BCO1: variants seen among roughly 807,000 people sequenced by gnomAD.
The protein encoded by BCO1 is beta,beta-carotene 15,15'-dioxygenase.
BCO1 carries 54 observed loss-of-function variants against 56.3 expected under a neutral mutation model. The observed-to-expected ratio is 0.96, with a 90% CI of 0.77 to 1.20. The LOEUF (loss-of-function observed/expected upper bound fraction) is 1.20, where lower values mean the gene tolerates loss of function less well. Ranked by LOEUF, BCO1 falls within the 50% of genes most tolerant of loss-of-function variation. The pLI is 0.00. For synonymous variants in BCO1, 318 were observed against 266.1 expected, an observed-to-expected ratio of 1.20 and a Z score of -1.90; for missense variants, 801 against 690.9, an observed-to-expected ratio of 1.16 and a Z score of -1.79.
chr16:81,255,686 T>C (rs1316028603), intron 2 of BCO1, among the ~76,000 whole-genome samples: 1 of 151,924 alleles, frequency 6.6e-6, no homozygotes, highest in African/African-American at 2.4e-5. Context: ...TTTGTATTTT[T>C]AGTAGAGACA....
intron 1 of BCO1, among the ~76,000 whole-genome samples, chr16:81,239,397 G>GA (rs1905015019): frequency 6.6e-6 from 1 of 152,044 alleles, no homozygotes; most frequent in Non-Finnish European, 1.5e-5. Context: ...GGAAAGTCTG[G>GA]AAAACAGTAC....
At chr16:81,250,032 C>A (rs12102984) in intron 2 of BCO1, among the ~76,000 whole-genome samples, 3,003 of 152,240 alleles carry the variant, frequency 0.02, 87 homozygotes, top group African/African-American at 0.067. Flanking sequence ...CCCAGTCAAA[C>A]TCTTCAATAT....
intron 4 of BCO1, chr16:81,263,346 A>G (rs1021280974): frequency 2.6e-5 from 4 of 152,106 alleles, no homozygotes; most frequent in Non-Finnish European, 4.4e-5. Flanking sequence ...TCCTGACCTC[A>G]TGATTGGCCC....
Position 81,245,504 on chromosome 16 carries a change from C to T in BCO1, c.94C>T (p.Leu32=), listed in dbSNP as rs756913044. The T allele has an allele frequency of 6.2e-7, 1 of 1,613,784 alleles. No individual in the cohort carries two copies. Among genetic ancestry groups the T allele is most frequent in the Non-Finnish European group, 8.5e-7 (1 of 1,179,714 alleles). Residue 32 remains leucine (L), a synonymous_variant, in exon 2 of 11, where the codon CTG becomes TTG. Coordinates refer to ENST00000258168, the MANE Select transcript of BCO1 (RefSeq NM_017429.3). ...GATTCCAGCATGGCTGCAGGGAACC[C>T]TGCTCCGCAATGGGCCTGGGATGCA... ...GKIPAWLQGT[L]LRNGPGMHTV...
chr16:81,289,278 A>G (rs969752045), intron 10 of BCO1, among the ~76,000 whole-genome samples: 13 of 152,086 alleles, frequency 8.5e-5, no homozygotes, highest in African/African-American at 2.9e-4. Context: ...GAGTATTTCC[A>G]TTTTACAGAG....
In BCO1 at chr16:81,280,848, T is replaced by C; in HGVS notation, c.1102-9T>C. The C allele has an allele frequency of 6.2e-6, 10 of 1,605,510 alleles. No individual in the cohort carries two copies. The highest frequency in any genetic ancestry group is 8.5e-6 in the Non-Finnish European group (10 of 1,172,044). ...TTTATTTTACTTTTTGAAAACTGAATTTTTTCAGAATGCAGAAGTGGGCAC... is the reference window on the plus strand; with the variant it reads ...TTTATTTTACTTTTTGAAAACTGAACTTTTTCAGAATGCAGAAGTGGGCAC... On this transcript the variant is annotated splice_polypyrimidine_tract_variant and intron_variant, in intron 7 of 10. Coordinates refer to ENST00000258168, the MANE Select transcript of BCO1 (RefSeq NM_017429.3).
chr16:81,255,699 G>C (rs988460059), intron 2 of BCO1, among the ~76,000 whole-genome samples: 7 of 151,970 alleles, frequency 4.6e-5, no homozygotes, highest in African/African-American at 1.7e-4. Flanking sequence ...TAGAGACAGG[G>C]TTTCACCGTA....
At chr16:81,283,646 G>T (rs890583601) in intron 8 of BCO1, among the ~76,000 whole-genome samples, 2 of 152,046 alleles carry the variant, frequency 1.3e-5, no homozygotes, top group South Asian at 2.1e-4. Context: ...TCCCTTGGAA[G>T]TTTCATGCTT....
chr16:81,249,239 T>C (rs145645876), intron 2 of BCO1, among the ~76,000 whole-genome samples: 199 of 151,974 alleles, frequency 1.3e-3, no homozygotes, highest in Admixed American at 3.8e-3. Flanking sequence ...TACAGGCACA[T>C]GCCACCACAT....
At chr16:81,274,248 G>A (rs1314215717) in intron 7 of BCO1, among the ~76,000 whole-genome samples, 1 of 147,302 alleles carries the variant, frequency 6.8e-6, no homozygotes, top group Non-Finnish European at 1.5e-5. Flanking sequence ...AAGAATGTTA[G>A]CTTGTGTATC....
chr16:81,277,014 C>G (rs1470890184), intron 7 of BCO1, among the ~76,000 whole-genome samples: 3 of 139,628 alleles, frequency 2.1e-5, no homozygotes, highest in African/African-American at 8.1e-5. Flanking sequence ...TTGCAGTGAG[C>G]TGAGATCGTG....
intron 5 of BCO1, among the ~76,000 whole-genome samples, chr16:81,266,462 C>T (rs914396656): frequency 2.0e-5 from 3 of 152,120 alleles, no homozygotes; most frequent in Admixed American, 6.5e-5. Context: ...TTGCTGCTCC[C>T]CCATCCCCCA....
At chr16:81,240,201 A>T (rs1905050042) in intron 1 of BCO1, among the ~76,000 whole-genome samples, 1 of 152,126 alleles carries the variant, frequency 6.6e-6, no homozygotes, top group East Asian at 1.9e-4. Context: ...GCAAATGAGA[A>T]CATGGAAGGA....
rs111256460 is a variant in BCO1, at chr16:81,264,340, C to T, written c.472-300C>T. On this transcript the variant is annotated intron_variant, in intron 4 of 10. Coordinates refer to ENST00000258168, the MANE Select transcript of BCO1 (RefSeq NM_017429.3). ...GCAAGGTCAGGCAACAGGATTGGAA[C>T]GATAGCCACAGAAGCACACCAGCTC... 1.1e-3 allele frequency among the ~76,000 whole-genome samples: 161 copies of T among 152,294 alleles called. 1 individual carries two copies. The highest frequency in any genetic ancestry group is 3.6e-3 in the African/African-American group (151 of 41,562).
chr16:81,262,342 C>T (rs765845201), intron 4 of BCO1, 59 bp downstream of exon 4: 16 of 1,569,498 alleles, frequency 1.0e-5, no homozygotes, highest in Admixed American at 6.7e-5. Context: ...GAGTCGGCGA[C>T]GGCCGGGGTG....
At chr16:81,245,375 T>C (rs1905342021) in intron 1 of BCO1, 100 bp from the exon 2 acceptor site, 1 of 1,545,338 alleles carries the variant, frequency 6.5e-7, no homozygotes. Context: ...CAAGGAGTGG[T>C]ACTGGGACCA....
At chr16:81,266,801 C>A (rs1348814804) in intron 5 of BCO1, among the ~76,000 whole-genome samples, 2 of 152,170 alleles carry the variant, frequency 1.3e-5, no homozygotes, top group Non-Finnish European at 2.9e-5. Context: ...GGCACTGCGA[C>A]TCATGCCCCA....
At position 81,287,322 on chromosome 16, in the gene BCO1, T is replaced by C. The variant is rs373464064; in HGVS notation, c.1330T>C (p.Ser444Pro). The change falls in exon 10 of 11, where the codon TCA (serine) becomes CCA (proline). Residue 444 changes from serine (S) to proline (P), a missense_variant. Physicochemically the swap from Ser to Pro is moderately conservative, Grantham distance 74. Coordinates refer to ENST00000258168, the MANE Select transcript of BCO1 (RefSeq NM_017429.3). ...AATAAAATATGACATTCTCACAAAG[T>C]CATCCTTAAAATGGAGAGAGGACGA... Reference protein sequence around the residue: ...KIIKYDILTKSSLKWREDDCW... With the variant: ...KIIKYDILTKPSLKWREDDCW... The C allele has an allele frequency of 6.2e-7, 1 of 1,613,874 alleles. No homozygotes were observed. Among genetic ancestry groups the C allele is most frequent in the Non-Finnish European group, 8.5e-7 (1 of 1,179,882 alleles).
At chr16:81,257,466 T>C (rs1015437529) in intron 2 of BCO1, among the ~76,000 whole-genome samples, 1 of 151,738 alleles carries the variant, frequency 6.6e-6, no homozygotes, top group Non-Finnish European at 1.5e-5. Flanking sequence ...GGTTTCACCA[T>C]GTTGGCCAGG....
Sources: gnomAD v4.1 joint callset for allele counts (sites outside exome capture counted in the v4.1 genomes callset) on GRCh38, gnomAD v4.1.1 for gene constraint, MANE v1.5 for transcripts, NCBI Gene and HGNC (gene_info 2026-07-23, HGNC 2026-07-21) for gene names.